Variants in USP22 observed in about 807,000 individuals in gnomAD.
USP22 encodes ubiquitin carboxyl-terminal hydrolase 22.
In USP22, 22 loss-of-function variants were observed where a neutral mutation model predicts 68.1. The ratio of observed to expected loss-of-function variants is 0.32; its 90% CI spans 0.23 to 0.46. The LOEUF is 0.46. USP22 is among the 20% of genes least tolerant of loss of function. USP22 has a pLI of 1.00. For synonymous variants in USP22, 279 were observed against 274.2 expected, an observed-to-expected ratio of 1.02 and a Z score of -0.17; for missense variants, 433 against 695.8, an observed-to-expected ratio of 0.62 and a Z score of 4.25.
chr17:21,015,612 G>GGCTTCAGAA, intron 6 of USP22, 140 bp downstream of exon 6: 1 of 1,235,454 alleles, frequency 8.1e-7, no homozygotes, highest in Non-Finnish European at 1.1e-6. Flanking sequence ...AGAAACAAAT[G>GGCTTCAGAA]ACGACAAGGG....
intron 10 of USP22, among the ~76,000 whole-genome samples, chr17:21,005,383 A>G (rs1424863318): frequency 6.6e-6 from 1 of 152,236 alleles, no homozygotes; most frequent in African/African-American, 2.4e-5. Context: ...CAACCTAGGC[A>G]GGTGCCTCCT....
chr17:21,011,083 T>C, intron 8 of USP22, 68 bp downstream of exon 8: 1 of 1,514,380 alleles, frequency 6.6e-7, no homozygotes, highest in Non-Finnish European at 8.8e-7. Flanking sequence ...AGCCCTGCTT[T>C]GGTCCTGATG....
At chr17:21,029,196 G>C (rs1305451083) in intron 1 of USP22, among the ~76,000 whole-genome samples, 1 of 152,158 alleles carries the variant, frequency 6.6e-6, no homozygotes, top group Non-Finnish European at 1.5e-5. Flanking sequence ...TGTTAATCAC[G>C]GCAATGATGA....
intron 12 of USP22, among the ~76,000 whole-genome samples, chr17:21,003,835 G>A (rs1408429718): frequency 6.6e-6 from 1 of 151,554 alleles, no homozygotes; most frequent in Non-Finnish European, 1.5e-5. Context: ...GGGAGGCAGA[G>A]GGTGCAGTGA....
At chr17:21,023,222 A>G (rs1972178797) in intron 2 of USP22, among the ~76,000 whole-genome samples, 1 of 152,210 alleles carries the variant, frequency 6.6e-6, no homozygotes, top group Non-Finnish European at 1.5e-5. Context: ...AAACAAACAA[A>G]AAAAATTGTC....
At chr17:21,019,575 A>C (rs1433568088) in intron 3 of USP22, among the ~76,000 whole-genome samples, 1 of 152,268 alleles carries the variant, frequency 6.6e-6, no homozygotes, top group Non-Finnish European at 1.5e-5. Context: ...GAGAGCTTGC[A>C]CTTTTCAGCA....
intron 11 of USP22, 151 bp from the exon 12 acceptor site, chr17:21,004,502 G>T: frequency 9.9e-7 from 1 of 1,005,866 alleles, no homozygotes; most frequent in Non-Finnish European, 1.4e-6. Context: ...ACAGGAGGCT[G>T]CAGGAACTAA....
Position 21,033,890 on chromosome 17 carries a change from G to A in USP22, c.172-5216C>T, listed in dbSNP as rs555082080. ...CAGCCTCCCGAGTATCTGGGACTACGGGCGCGTGCCACCATGCTCGGCTAA... is the reference window on the plus strand; with the variant it reads ...CAGCCTCCCGAGTATCTGGGACTACAGGCGCGTGCCACCATGCTCGGCTAA... On this transcript the variant is annotated intron_variant, in intron 1 of 12. Transcript: ENST00000261497. 5.9e-5 allele frequency among the ~76,000 whole-genome samples: 9 copies of A among 151,722 alleles called. No homozygotes were observed. The East Asian group carries it at 9.7e-4, about 16-fold the overall frequency.
At chr17:21,034,088 CT>C (rs1221484880) in intron 1 of USP22, among the ~76,000 whole-genome samples, 3 of 152,052 alleles carry the variant, frequency 2.0e-5, no homozygotes, top group Admixed American at 6.6e-5. Flanking sequence ...AAATACGGCA[CT>C]AAAAAGCTAA....
At chr17:21,008,719 G>C (rs1450434026) in intron 8 of USP22, among the ~76,000 whole-genome samples, 1 of 152,066 alleles carries the variant, frequency 6.6e-6, no homozygotes, top group Non-Finnish European at 1.5e-5. Flanking sequence ...CGGGGGACCG[G>C]GGTAAAGGGT....
Position 21,004,198 on chromosome 17 carries a change from G to T in USP22, c.1535+4C>A. ...GGGCCTTCCTCCCACCCCACAGGAC[G>T]CACCCTTCGCTGTCCAGGACGTCCT... On this transcript the variant is annotated splice_donor_region_variant and intron_variant, in intron 12 of 12. Coordinates refer to ENST00000261497, the MANE Select transcript of USP22 (RefSeq NM_015276.2). 6.2e-7 allele frequency: 1 copy of T among 1,613,736 alleles called. No individual in the cohort carries two copies. Among genetic ancestry groups the T allele is most frequent in the Non-Finnish European group, 8.5e-7 (1 of 1,179,744 alleles).
chr17:21,027,533 G>C (rs1972237232), intron 2 of USP22, among the ~76,000 whole-genome samples: 1 of 147,198 alleles, frequency 6.8e-6, no homozygotes, highest in African/African-American at 2.4e-5. Context: ...GGAATTGCTA[G>C]GCTCACATGA....
chr17:21,030,380 GTGTGTGTATGTATGTA>G (rs1054240529), intron 1 of USP22, among the ~76,000 whole-genome samples: 9 of 149,800 alleles, frequency 6.0e-5, no homozygotes, highest in African/African-American at 1.5e-4. Context: ...GTGTGTGTGT[GTGTGTGTATGTATGTA>G]TGTATGTATG....
intron 8 of USP22, among the ~76,000 whole-genome samples, chr17:21,008,466 C>A (rs1913846119): frequency 6.6e-6 from 1 of 152,176 alleles, no homozygotes; most frequent in South Asian, 2.1e-4. Context: ...CCAAGCTGTA[C>A]CCTGGATGCG....
chr17:21,004,956 G>A lies in USP22; in HGVS notation c.1357C>T (p.Pro453Ser). The A allele has an allele frequency of 6.2e-7, 1 of 1,614,228 alleles. No individual in the cohort carries two copies. Among genetic ancestry groups the A allele is most frequent in the Non-Finnish European group, 8.5e-7 (1 of 1,180,040 alleles). ...ESRMNGQYQQ[P>S]TDSLNNDNKY... ...TTGTCATTGTTGAGACTGTCCGTGG[G>A]CTGCTGGTACTGTCCATTCATCCTG... The change falls in exon 11 of 13, where the codon CCC becomes TCC. Residue 453 changes from proline to serine, a missense_variant. This residue lies in a region of USP22 where 178 missense variants were observed against 351.5 expected (regional missense o/e 0.51). Coordinates refer to ENST00000261497, the MANE Select transcript of USP22 (RefSeq NM_015276.2).
intron 1 of USP22, among the ~76,000 whole-genome samples, chr17:21,036,030 CAAAAAAAAAAA>C (rs35324126): frequency 1.7e-4 from 10 of 59,640 alleles, no homozygotes; most frequent in African/African-American, 7.1e-4. Context: ...GACTCCGTCT[CAAAAAAAAAAA>C]AAAAAAAAAA....
chr17:21,012,777 T>G, intron 7 of USP22, 53 bp downstream of exon 7: 1 of 1,509,500 alleles, frequency 6.6e-7, no homozygotes, highest in South Asian at 1.1e-5. Flanking sequence ...TGGGAGGATG[T>G]CAGTACGGCC....
intron 2 of USP22, among the ~76,000 whole-genome samples, chr17:21,025,201 AT>A (rs1365930162): frequency 1.3e-5 from 2 of 152,160 alleles, no homozygotes; most frequent in Non-Finnish European, 2.9e-5. Context: ...AAACAACCCA[AT>A]TTAAAAAAAG....
intron 4 of USP22, among the ~76,000 whole-genome samples, chr17:21,018,626 C>T (rs566944275): frequency 1.4e-4 from 22 of 151,956 alleles, no homozygotes; most frequent in African/African-American, 5.1e-4. Context: ...GTGGAAGGAT[C>T]GCTTGGGCCC....
Sources: gnomAD v4.1 joint callset for allele counts (sites outside exome capture counted in the v4.1 genomes callset) on GRCh38, gnomAD v4.1.1 for gene constraint, gnomAD v4.1.1 regional missense constraint, MANE v1.5 for transcripts, NCBI Gene and HGNC (gene_info 2026-07-23, HGNC 2026-07-21) for gene names.